The following RAB22A variants were observed in gnomAD, a reference collection of about 807,000 sequenced individuals.
RAB22A encodes RAB22A, member RAS oncogene family.
A neutral mutation model predicts 30.2 loss-of-function variants in RAB22A; 13 were observed. The observed-to-expected ratio is 0.43, with a 90% CI of 0.28 to 0.68. RAB22A has a LOEUF of 0.68. Ranked by LOEUF, RAB22A falls within the 30% of genes least tolerant of loss-of-function variation. RAB22A has a pLI of 0.18. For missense variants in RAB22A, 177 were observed against 246.8 expected, an observed-to-expected ratio of 0.72 and a Z score of 1.89; for synonymous variants, 89 against 87.2, an observed-to-expected ratio of 1.02 and a Z score of -0.11.
At chr20:58,341,360 T>A (rs1328715119) in intron 2 of RAB22A, among the ~76,000 whole-genome samples, 2 of 152,074 alleles carry the variant, frequency 1.3e-5, no homozygotes, top group Non-Finnish European at 2.9e-5. Flanking sequence ...TTGTAATTTT[T>A]CCTCCAGCGA....
chr20:58,312,589 C>T (rs1346638499), intron 2 of RAB22A, among the ~76,000 whole-genome samples: 4 of 143,338 alleles, frequency 2.8e-5, no homozygotes, highest in South Asian at 4.6e-4. Context: ...CCTGGATTCA[C>T]GCCATTCTCC....
chr20:58,355,372 A>C (rs77158449), intron 6 of RAB22A, among the ~76,000 whole-genome samples: 3 of 148,682 alleles, frequency 2.0e-5, no homozygotes, highest in Admixed American at 2.0e-4. Context: ...TTGTTTTCAC[A>C]TTTTTTTTTT....
At chr20:58,310,939 T>C (rs1986213228) in intron 1 of RAB22A, 104 bp from the exon 2 acceptor site, 2 of 914,178 alleles carry the variant, frequency 2.2e-6, no homozygotes, top group Admixed American at 3.6e-5. Flanking sequence ...AATTTACACG[T>C]CTAGGGTGAT....
intron 2 of RAB22A, among the ~76,000 whole-genome samples, chr20:58,319,870 A>G (rs1184738036): frequency 6.6e-6 from 1 of 152,150 alleles, no homozygotes; most frequent in Non-Finnish European, 1.5e-5. Flanking sequence ...TATTTTACAT[A>G]TTTTGAGCTG....
At chr20:58,327,418 G>A (rs1021921701) in intron 2 of RAB22A, among the ~76,000 whole-genome samples, 5 of 152,312 alleles carry the variant, frequency 3.3e-5, no homozygotes, top group South Asian at 4.1e-4. Flanking sequence ...TCCTCTTCCA[G>A]CAAGGCTCAC....
chr20:58,320,274 A>G (rs1299836441), intron 2 of RAB22A, among the ~76,000 whole-genome samples: 1 of 152,216 alleles, frequency 6.6e-6, no homozygotes, highest in Non-Finnish European at 1.5e-5. Context: ...CCTTTAGTAA[A>G]TACTGTAAAG....
chr20:58,319,444 G>A (rs2122928618), intron 2 of RAB22A, among the ~76,000 whole-genome samples: 1 of 152,258 alleles, frequency 6.6e-6, no homozygotes, highest in African/African-American at 2.4e-5. Context: ...GTACAATATT[G>A]TGTTCATTGC....
rs77955514 is a variant in RAB22A, at chr20:58,354,713, G to C, written c.487+448G>C. On this transcript the variant is annotated intron_variant, in intron 6 of 6. Coordinates refer to ENST00000244040, the MANE Select transcript of RAB22A (RefSeq NM_020673.3). The stretch of plus-strand genomic sequence containing the variant: ...CTTCCCTTTCCAGAAGTGTTAATAT[G>C]ATGATACTCGATGGGAGAGGGGCTG... Among the ~76,000 whole-genome samples the C allele has an allele frequency of 6.1e-3, 924 of 152,246 alleles. 6 individuals carry two copies. Among genetic ancestry groups the C allele is most frequent in the African/African-American group, 0.021 (874 of 41,556 alleles).
At chr20:58,358,910 AAAG>A (rs1480020851) in intron 6 of RAB22A, among the ~76,000 whole-genome samples, 16 of 152,092 alleles carry the variant, frequency 1.1e-4, no homozygotes, top group African/African-American at 3.9e-4. Flanking sequence ...AAAAAAAAAA[AAAG>A]GTGACGGCTC....
intron 6 of RAB22A, 85 bp downstream of exon 6, chr20:58,354,350 T>TAGAC: frequency 1.1e-6 from 1 of 918,818 alleles, no homozygotes; most frequent in Non-Finnish European, 1.6e-6. Context: ...CCTGTCTTAC[T>TAGAC]TAGAGCAGTC....
At chr20:58,352,571 A>G (rs911801559) in intron 3 of RAB22A, among the ~76,000 whole-genome samples, 2 of 152,196 alleles carry the variant, frequency 1.3e-5, no homozygotes, top group African/African-American at 4.8e-5. Context: ...CATTGAGAGA[A>G]ATAGCTCACT....
intron 3 of RAB22A, among the ~76,000 whole-genome samples, chr20:58,350,074 C>T (rs765300551): frequency 3.3e-5 from 5 of 150,362 alleles, no homozygotes; most frequent in Admixed American, 6.6e-5. Context: ...CCAGCATGGA[C>T]AACATGGCAA....
At chr20:58,344,170 G>A (rs1348046895) in intron 3 of RAB22A, among the ~76,000 whole-genome samples, 4 of 152,262 alleles carry the variant, frequency 2.6e-5, no homozygotes, top group Middle Eastern at 3.4e-3. Flanking sequence ...CTCATTTATC[G>A]CTGCCTTTTA....
At position 58,353,490 on chromosome 20, in the gene RAB22A, A is replaced by G. The variant is rs557346343; in HGVS notation, c.329A>G (p.Asn110Ser). ...VKELRQHGPP[N>S]IVVAIAGNKC... ...GAGCTTCGACAGCATGGCCCACCTA[A>G]TATTGTAGTTGCCATTGCAGGAAAT... Residue 110 changes from asparagine (N) to serine (S), a missense_variant, in exon 5 of 7, where the codon AAT becomes AGT. Coordinates refer to ENST00000244040, the MANE Select transcript of RAB22A (RefSeq NM_020673.3). 3.7e-6 allele frequency: 6 copies of G among 1,613,202 alleles called. No individual in the cohort carries two copies. The highest frequency in any genetic ancestry group is 1.1e-5 in the South Asian group (1 of 91,062).
chr20:58,319,922 C>A (rs1219740217), intron 2 of RAB22A, among the ~76,000 whole-genome samples: 1 of 152,122 alleles, frequency 6.6e-6, no homozygotes, highest in Non-Finnish European at 1.5e-5. Context: ...GCATTACAAC[C>A]ATTGAGAGTT....
intron 2 of RAB22A, among the ~76,000 whole-genome samples, chr20:58,336,840 C>T (rs1986764036): frequency 6.6e-6 from 1 of 152,168 alleles, no homozygotes; most frequent in Admixed American, 6.5e-5. Flanking sequence ...CCAGCCTTCA[C>T]CTGCCTGGAG....
intron 2 of RAB22A, among the ~76,000 whole-genome samples, chr20:58,325,326 A>G (rs1033583828): frequency 6.6e-6 from 1 of 151,534 alleles, no homozygotes; most frequent in Non-Finnish European, 1.5e-5. Flanking sequence ...AAAATACAAA[A>G]ATTAGCTGGG....
At chr20:58,317,715 C>T (rs375656537) in intron 2 of RAB22A, among the ~76,000 whole-genome samples, 2 of 151,782 alleles carry the variant, frequency 1.3e-5, no homozygotes, top group Non-Finnish European at 1.5e-5. Flanking sequence ...CCCGCCACCA[C>T]GCCCAGCTAA....
chr20:58,323,625 CTTTTTTTTTCTT>C (rs1040218404), intron 2 of RAB22A, among the ~76,000 whole-genome samples: 8 of 136,714 alleles, frequency 5.9e-5, no homozygotes, highest in East Asian at 2.1e-4. Flanking sequence ...TTTTTTTTTT[CTTTTTTTTTCTT>C]TTTTTTTTTC....
Sources: allele counts gnomAD v4.1 joint callset (sites outside exome capture counted in the v4.1 genomes callset), GRCh38; gene constraint gnomAD v4.1.1; transcripts MANE v1.5; gene names NCBI Gene and HGNC (gene_info 2026-07-23, HGNC 2026-07-21).